Variants in TAFA1 observed in about 807,000 individuals in gnomAD.
The protein encoded by TAFA1 is TAFA chemokine like family member 1, also known as chemokine-like protein TAFA-1.
Under a neutral mutation model 18.5 loss-of-function variants are expected in TAFA1, and 4 were observed. The ratio of observed to expected loss-of-function variants is 0.22; its 90% CI spans 0.11 to 0.49. The LOEUF (loss-of-function observed/expected upper bound fraction) is 0.49. Among genes scored for constraint, TAFA1 ranks in the 20% least tolerant of loss-of-function variants. The pLI, the probability that TAFA1 is intolerant of heterozygous loss-of-function variation, is 0.98. For missense variants in TAFA1, 147 were observed against 169.0 expected, an observed-to-expected ratio of 0.87 and a Z score of 0.72; for synonymous variants, 56 against 55.2, an observed-to-expected ratio of 1.01 and a Z score of -0.06.
chr3:68,001,853 G>C (rs1239641003), upstream of TAFA1, among the ~76,000 whole-genome samples: 1 of 152,196 alleles, frequency 6.6e-6, no homozygotes, highest in African/African-American at 2.4e-5. Flanking sequence ...ATCCATTAAA[G>C]ATTGGTAGGG....
At chr3:68,370,964 T>A (rs2069695380) in intron 2 of TAFA1, among the ~76,000 whole-genome samples, 1 of 152,056 alleles carries the variant, frequency 6.6e-6, no homozygotes, top group African/African-American at 2.4e-5. Flanking sequence ...TGTTTTTGAT[T>A]TGCTTCTAAC....
intron 2 of TAFA1, among the ~76,000 whole-genome samples, chr3:68,162,426 G>A (rs560591845): frequency 6.0e-4 from 91 of 152,222 alleles, no homozygotes; most frequent in African/African-American, 1.9e-3. Flanking sequence ...AATGTAATGC[G>A]CGGCTGATCT....
Position 68,120,229 on chromosome 3 carries a change from CTTT to C in TAFA1, c.118+113486_118+113488del, listed in dbSNP as rs2065379780. Among the ~76,000 whole-genome samples, 5 of 120,956 alleles carry C rather than the reference CTTT, an allele frequency of 4.1e-5. No homozygotes were observed. The East Asian group carries it at 9.0e-4, about 22-fold the overall frequency. 79.4% of individuals were successfully genotyped at this position (120,956 alleles called of 152,430 possible). On this transcript the variant is annotated intron_variant, in intron 2 of 4. Transcript: ENST00000478136. ...TCTTTCTTTCTTTCTTTCTTTCTTTCTTTCTTTCTTTCTTTCTTTCTTTCTTTC... is the reference window on the plus strand; with the variant it reads ...TCTTTCTTTCTTTCTTTCTTTCTTTCCTTTCTTTCTTTCTTTCTTTCTTTC...
chr3:68,474,308 G>A (rs2072051942), intron 3 of TAFA1, among the ~76,000 whole-genome samples: 1 of 152,114 alleles, frequency 6.6e-6, no homozygotes, highest in Non-Finnish European at 1.5e-5. Flanking sequence ...CTCTAAAGGG[G>A]CTAGAAACAG....
Position 68,093,969 on chromosome 3 carries a change from T to TC in TAFA1, c.118+87226dup, listed in dbSNP as rs370711793. Among the ~76,000 whole-genome samples the TC allele has an allele frequency of 3.7e-3, 564 of 152,188 alleles. 5 individuals are homozygous for TC. The highest frequency in any genetic ancestry group is 0.013 in the African/African-American group (528 of 41,520). ...AGTTTTTGCAATTTACATATATTTTTCTCTTTTTGACAATGCCTGACTGTC... is the reference window on the plus strand; with the variant it reads ...AGTTTTTGCAATTTACATATATTTTTCCTCTTTTTGACAATGCCTGACTGTC... On this transcript the variant is annotated intron_variant, in intron 2 of 4. Coordinates refer to ENST00000478136, the MANE Select transcript of TAFA1 (RefSeq NM_213609.4).
At chr3:68,306,334 C>T (rs568576810) in intron 2 of TAFA1, among the ~76,000 whole-genome samples, 2 of 152,256 alleles carry the variant, frequency 1.3e-5, no homozygotes, top group East Asian at 1.9e-4. Context: ...GGAAATAACA[C>T]GTCTCTCTTT....
chr3:68,129,042 C>T (rs1559531249), intron 2 of TAFA1, among the ~76,000 whole-genome samples: 1 of 152,186 alleles, frequency 6.6e-6, no homozygotes, highest in Admixed American at 6.5e-5. Flanking sequence ...TTCATAGGGG[C>T]TCCCCATTTG....
intron 2 of TAFA1, among the ~76,000 whole-genome samples, chr3:68,275,113 T>C (rs2313276): frequency 0.041 from 6,280 of 152,232 alleles, 418 homozygotes; most frequent in African/African-American, 0.14. Context: ...TATATTAATA[T>C]GTATTTGCTG....
chr3:68,007,007 C>G (rs1215840421), intron 2 of TAFA1, among the ~76,000 whole-genome samples: 1 of 152,136 alleles, frequency 6.6e-6, no homozygotes, highest in South Asian at 2.1e-4. Context: ...TAGAAGTCAT[C>G]TGTTTTTGGA....
chr3:68,096,117 T>G (rs1373490533), intron 2 of TAFA1, among the ~76,000 whole-genome samples: 1 of 152,084 alleles, frequency 6.6e-6, no homozygotes, highest in Admixed American at 6.6e-5. Context: ...TCTCTATCAT[T>G]CTACCCTCTA....
chr3:68,443,765 T>C (rs922961055), intron 3 of TAFA1, among the ~76,000 whole-genome samples: 1 of 152,152 alleles, frequency 6.6e-6, no homozygotes, highest in Non-Finnish European at 1.5e-5. Context: ...ATCAAGATGA[T>C]ATTTGGGTGG....
chr3:68,122,742 T>A (rs537830347), intron 2 of TAFA1, among the ~76,000 whole-genome samples: 1 of 152,198 alleles, frequency 6.6e-6, no homozygotes, highest in Non-Finnish European at 1.5e-5. Context: ...TATTTTTATA[T>A]GAAGATTTCA....
chr3:68,540,435 AG>A (rs1461828868), intron 4 of TAFA1, among the ~76,000 whole-genome samples: 1 of 152,214 alleles, frequency 6.6e-6, no homozygotes, highest in African/African-American at 2.4e-5. Context: ...AACTAGTAGA[AG>A]GTGGGAAATC....
chr3:68,283,420 A>G (rs1221812144), intron 2 of TAFA1, among the ~76,000 whole-genome samples: 3 of 152,216 alleles, frequency 2.0e-5, no homozygotes, highest in African/African-American at 4.8e-5. Context: ...AATTAAAAAG[A>G]TTTTTAAAGT....
intron 2 of TAFA1, among the ~76,000 whole-genome samples, chr3:68,047,230 C>T (rs2064400778): frequency 6.6e-6 from 1 of 152,180 alleles, no homozygotes; most frequent in Admixed American, 6.6e-5. Context: ...CATCTTTCAG[C>T]TTAGGAAACT....
intron 2 of TAFA1, among the ~76,000 whole-genome samples, chr3:68,179,742 A>C (rs2066171954): frequency 1.3e-5 from 2 of 152,240 alleles, no homozygotes; most frequent in South Asian, 2.1e-4. Flanking sequence ...TTAATTATCA[A>C]ATAAATGAAT....
At chr3:68,491,091 G>A (rs568721433) in intron 3 of TAFA1, among the ~76,000 whole-genome samples, 7 of 152,132 alleles carry the variant, frequency 4.6e-5, no homozygotes, top group Admixed American at 2.6e-4. Flanking sequence ...CTCCTGCCTC[G>A]GCCTTCTAAA....
intron 2 of TAFA1, among the ~76,000 whole-genome samples, chr3:68,132,737 T>A (rs1352621404): frequency 6.6e-6 from 1 of 152,210 alleles, no homozygotes; most frequent in Admixed American, 6.5e-5. Context: ...GTTTTTTTCT[T>A]GTAAATTTGT....
chr3:68,369,046 T>C (rs906437190), intron 2 of TAFA1, among the ~76,000 whole-genome samples: 2 of 152,246 alleles, frequency 1.3e-5, no homozygotes, highest in Non-Finnish European at 2.9e-5. Context: ...CCTTACGATA[T>C]TGTCAAAATA....
Sources: allele counts gnomAD v4.1 joint callset (sites outside exome capture counted in the v4.1 genomes callset), GRCh38; gene constraint gnomAD v4.1.1; transcripts MANE v1.5; gene names NCBI Gene and HGNC (gene_info 2026-07-23, HGNC 2026-07-21).